Variants in TLK1 observed in about 807,000 individuals in gnomAD.
The protein encoded by TLK1 is tousled like kinase 1, also known as serine/threonine-protein kinase tousled-like 1.
In TLK1, 24 loss-of-function variants were observed where a neutral mutation model predicts 105.3. The observed-to-expected ratio is 0.23, with a 90% CI of 0.17 to 0.32. The LOEUF (loss-of-function observed/expected upper bound fraction) is 0.32, where lower values mean the gene tolerates loss of function less well. TLK1 is among the 10% of genes least tolerant of loss of function. The pLI is 1.00. For synonymous variants in TLK1, 321 were observed against 310.4 expected (o/e 1.03, Z -0.36); for missense variants, 558 against 910.5 (o/e 0.61, Z 4.98).
chr2:171,100,426 C>T (rs780248090), intron 2 of TLK1, among the ~76,000 whole-genome samples: 1 of 152,196 alleles, frequency 6.6e-6, no homozygotes, highest in Non-Finnish European at 1.5e-5. Flanking sequence ...AGCAAGAGCA[C>T]GTTGTTATAA....
intron 1 of TLK1, among the ~76,000 whole-genome samples, chr2:171,229,665 C>G (rs1693957721): frequency 6.6e-6 from 1 of 152,198 alleles, no homozygotes; most frequent in African/African-American, 2.4e-5. Flanking sequence ...AGGGTGCAAA[C>G]TTTGCATTTG....
chr2:171,143,578 G>GTAGAGCTA (rs1198553556), intron 1 of TLK1, among the ~76,000 whole-genome samples: 1 of 130,712 alleles, frequency 7.7e-6, no homozygotes, highest in Non-Finnish European at 1.6e-5. Flanking sequence ...AGGTGGAATA[G>GTAGAGCTA]TAGAGCTATA....
intron 18 of TLK1, among the ~76,000 whole-genome samples, chr2:170,999,755 GATTTTT>G (rs983835744): frequency 1.3e-5 from 2 of 152,018 alleles, no homozygotes; most frequent in African/African-American, 2.4e-5. Flanking sequence ...ATCCATGTAT[GATTTTT>G]ATTTTTATTT....
chr2:171,115,999 A>G (rs547422314), intron 2 of TLK1, among the ~76,000 whole-genome samples: 4 of 152,354 alleles, frequency 2.6e-5, no homozygotes, highest in Admixed American at 2.6e-4. Flanking sequence ...GTGTCTATAA[A>G]TTAGTAGTAA....
At chr2:171,218,663 T>C (rs1205961568) in intron 1 of TLK1, among the ~76,000 whole-genome samples, 2 of 152,170 alleles carry the variant, frequency 1.3e-5, no homozygotes, top group Non-Finnish European at 2.9e-5. Context: ...AGATGGCACC[T>C]TGTTGCTGCA....
intron 3 of TLK1, among the ~76,000 whole-genome samples, chr2:171,078,762 G>A (rs918624770): frequency 1.3e-5 from 2 of 152,168 alleles, no homozygotes; most frequent in Admixed American, 6.5e-5. Context: ...CTTATCTCAA[G>A]TTTTTCCTCC....
chr2:171,133,623 A>T (rs527994778), intron 1 of TLK1, among the ~76,000 whole-genome samples: 27 of 152,150 alleles, frequency 1.8e-4, no homozygotes, highest in South Asian at 4.1e-4. Context: ...AAGCTTTTTT[A>T]AAAAAAGAAA....
At chr2:171,141,729 C>A (rs922001240) in intron 1 of TLK1, among the ~76,000 whole-genome samples, 2 of 151,688 alleles carry the variant, frequency 1.3e-5, no homozygotes, top group East Asian at 1.9e-4. Flanking sequence ...CTCCCTCCCC[C>A]CAAAAAAATC....
At chr2:171,049,997 A>G in intron 9 of TLK1, 47 bp from the exon 10 acceptor site, 1 of 1,611,706 alleles carries the variant, frequency 6.2e-7, no homozygotes, top group Non-Finnish European at 8.5e-7. Flanking sequence ...TCATTAATTT[A>G]TAAAAGCATA....
intron 3 of TLK1, among the ~76,000 whole-genome samples, chr2:171,076,610 A>AT (rs899898202): frequency 2.6e-4 from 40 of 152,004 alleles, no homozygotes; most frequent in Non-Finnish European, 4.9e-4. Context: ...AAAACTTAGA[A>AT]AACACTGAGC....
At chr2:171,161,738 C>T (rs1306621126), upstream of TLK1, among the ~76,000 whole-genome samples, 1 of 152,210 alleles carries the variant, frequency 6.6e-6, no homozygotes, top group Non-Finnish European at 1.5e-5. Flanking sequence ...AGTGTCTCCG[C>T]TGAGTCCCGA....
At position 171,216,687 on chromosome 2, in the gene TLK1, G is replaced by C. The variant is rs1365452644; in HGVS notation, c.-6+14458C>G. Reference sequence around the variant, plus strand: ...ATTTAGAAGTAGGGCCATTATAGTTGTAATTAGTTAAGATGAGCTCATACT... The same window carrying C: ...ATTTAGAAGTAGGGCCATTATAGTTCTAATTAGTTAAGATGAGCTCATACT... On this transcript the variant is annotated intron_variant, in intron 1 of 20. Transcript: ENST00000521943. 3.9e-5 allele frequency among the ~76,000 whole-genome samples: 6 copies of C among 152,124 alleles called. No individual in the cohort carries two copies. In the East Asian group the frequency reaches 1.2e-3, roughly 29 times the overall value.
At chr2:171,141,226 C>T (rs1326349658) in intron 1 of TLK1, among the ~76,000 whole-genome samples, 6 of 152,100 alleles carry the variant, frequency 3.9e-5, no homozygotes, top group Middle Eastern at 3.2e-3. Context: ...CCAAAACTGA[C>T]GAACGAGCTC....
chr2:171,029,961 G>A (rs900826707), intron 11 of TLK1, among the ~76,000 whole-genome samples: 1 of 152,170 alleles, frequency 6.6e-6, no homozygotes, highest in African/African-American at 2.4e-5. Flanking sequence ...GGCCAGGCTG[G>A]TCTTGAATGC....
chr2:171,180,094 CAAAAAAAA>C (rs57360155), intron 1 of TLK1, among the ~76,000 whole-genome samples: 1 of 68,748 alleles, frequency 1.5e-5, no homozygotes. Flanking sequence ...GACTCTGTCT[CAAAAAAAA>C]AAAAAAAAAA....
intron 13 of TLK1, among the ~76,000 whole-genome samples, chr2:171,012,208 G>A (rs952600774): frequency 6.6e-6 from 1 of 152,098 alleles, no homozygotes; most frequent in African/African-American, 2.4e-5. Flanking sequence ...AGATTTTAGA[G>A]AAGTTTACAT....
intron 11 of TLK1, chr2:171,045,937 G>T: frequency 2.7e-6 from 1 of 376,658 alleles, no homozygotes; most frequent in Non-Finnish European, 4.7e-6. Flanking sequence ...GTGAATTCTG[G>T]TAACCTCTTA....
intron 11 of TLK1, among the ~76,000 whole-genome samples, chr2:171,037,180 G>A (rs143065731): frequency 1.4e-3 from 208 of 152,030 alleles, no homozygotes; most frequent in African/African-American, 4.7e-3. Context: ...GTTGGCTCAC[G>A]CTTGTAATCC....
chr2:171,048,202 G>A (rs1478570572), intron 10 of TLK1, among the ~76,000 whole-genome samples: 1 of 41,904 alleles, frequency 2.4e-5, no homozygotes, highest in Non-Finnish European at 1.0e-4. Flanking sequence ...TCCCAACTCG[G>A]CCTCCCAAAG....
Sources: gnomAD v4.1 joint callset for allele counts (sites outside exome capture counted in the v4.1 genomes callset) on GRCh38, gnomAD v4.1.1 for gene constraint, MANE v1.5 for transcripts, NCBI Gene and HGNC (gene_info 2026-07-23, HGNC 2026-07-21) for gene names.